Variants in ZNF76 observed in about 807,000 individuals in gnomAD.
ZNF76 encodes zinc finger protein 76.
Under a neutral mutation model 66.9 loss-of-function variants are expected in ZNF76, and 66 were observed. The ratio of observed to expected loss-of-function variants is 0.99; its 90% CI spans 0.81 to 1.21. The LOEUF is 1.21. ZNF76 is among the 50% of genes most tolerant of loss of function. The probability of loss-of-function intolerance (pLI) is 0.00; values close to 1 mark genes in which losing one functional copy is unlikely to be tolerated. For missense variants in ZNF76, 729 were observed against 760.3 expected, an observed-to-expected ratio of 0.96 and a Z score of 0.48; for synonymous variants, 275 against 296.1, an observed-to-expected ratio of 0.93 and a Z score of 0.73.
chr6:35,293,831 C>T lies in ZNF76; in HGVS notation c.1410C>T (p.Thr470=), dbSNP rs768833595. The T allele has an allele frequency of 4.4e-5, 71 of 1,614,074 alleles. No individual in the cohort carries two copies. The highest frequency in any genetic ancestry group is 3.0e-5 in the Non-Finnish European group (35 of 1,180,054). Residue 470 remains threonine, a synonymous_variant, in exon 12 of 14, where the codon ACC becomes ACT. Transcript: ENST00000373953. The part of the protein sequence containing the change: ...MVTQHGSTTL[T]IPSPDADLAT... The stretch of plus-strand genomic sequence containing the variant: ...CCCAGCACGGCAGCACCACCCTCAC[C>T]ATCCCCAGTCCTGATGCCGACCTGG...
rs1581996223 is a variant in ZNF76, at chr6:35,261,491, C to A, written c.-97+1650C>A. On this transcript the variant is annotated intron_variant, in intron 1 of 13. Coordinates refer to ENST00000373953, the MANE Select transcript of ZNF76 (RefSeq NM_003427.5). ...AAGAGTTAATTATTATTATATCCAC[C>A]ATTTTCCCTTCCCATATTTTTGTTT... 1.4e-5 allele frequency among the ~76,000 whole-genome samples: 2 copies of A among 141,774 alleles called. 1 individual carries two copies. Among genetic ancestry groups the A allele is most frequent in the East Asian group, 4.1e-4 (2 of 4,868 alleles). The allele number at this position is 141,774 out of a possible 152,430, so 93.0% of individuals were successfully genotyped here. A position where few individuals can be genotyped will look rare whatever the true frequency, so the allele number is the denominator to read the frequency against.
chr6:35,294,490 A>T lies in ZNF76; in HGVS notation c.1529A>T (p.Glu510Val). Reference sequence around the variant, plus strand: ...ATTACCTCTGGGGCTGTGGTGGCTGAGGACTCAAGTGTAGCATCTCTTCGT... The same window carrying T: ...ATTACCTCTGGGGCTGTGGTGGCTGTGGACTCAAGTGTAGCATCTCTTCGT... ...TIITSGAVVA[E>V]DSSVASLRHQ... The change falls in exon 13 of 14, where the codon GAG becomes GTG. Residue 510 changes from glutamate to valine, a missense_variant. Physicochemically the swap from Glu to Val is moderately radical, Grantham distance 121 (BLOSUM62 -2). Coordinates refer to ENST00000373953, the MANE Select transcript of ZNF76 (RefSeq NM_003427.5). The T allele has an allele frequency of 6.2e-7, 1 of 1,614,048 alleles. No individual in the cohort carries two copies. Among genetic ancestry groups the T allele is most frequent in the Non-Finnish European group, 8.5e-7 (1 of 1,179,996 alleles).
chr6:35,268,081 G>A (rs2267657), intron 1 of ZNF76, among the ~76,000 whole-genome samples: 102,872 of 152,178 alleles, frequency 0.68, 37,942 homozygotes, highest in Non-Finnish European at 0.82. Flanking sequence ...AGCTCAGTTA[G>A]CTATGTAACC....
intron 7 of ZNF76, 130 bp downstream of exon 7, chr6:35,290,846 G>C: frequency 1.2e-6 from 1 of 868,872 alleles, no homozygotes; most frequent in Non-Finnish European, 1.8e-6. Flanking sequence ...CTGACTTGCA[G>C]GGTGCTCTCT....
Position 35,291,604 on chromosome 6 carries a change from C to T in ZNF76, c.798C>T (p.Phe266=). 2 of 1,614,050 alleles carry T rather than the reference C, an allele frequency of 1.2e-6. No homozygotes were observed. Among genetic ancestry groups the T allele is most frequent in the Non-Finnish European group, 8.5e-7 (1 of 1,179,928 alleles). The stretch of plus-strand genomic sequence containing the variant: ...CTTTTGAGGGCTGTGGCCGCTCCTT[C>T]ACCACATCTAACATCCGCAAGGTAC... ...QCPFEGCGRS[F]TTSNIRKVHV... The change falls in exon 9 of 14, where the codon TTC becomes TTT. Residue 266 remains phenylalanine, a synonymous_variant. Coordinates refer to ENST00000373953, the MANE Select transcript of ZNF76 (RefSeq NM_003427.5).
At chr6:35,273,318 G>A (rs894184078) in intron 1 of ZNF76, among the ~76,000 whole-genome samples, 2 of 150,706 alleles carry the variant, frequency 1.3e-5, no homozygotes, top group Non-Finnish European at 3.0e-5. Flanking sequence ...GATTGCAGGC[G>A]TGCACCACCA....
At position 35,290,256 on chromosome 6, in the gene ZNF76, T is replaced by C; in HGVS notation, c.433-10T>C. 1 of 1,614,086 alleles carries C rather than the reference T, an allele frequency of 6.2e-7. No homozygotes were observed. The highest frequency in any genetic ancestry group is 1.1e-5 in the South Asian group (1 of 91,078). On this transcript the variant is annotated splice_polypyrimidine_tract_variant and intron_variant, in intron 5 of 13. Coordinates refer to ENST00000373953, the MANE Select transcript of ZNF76 (RefSeq NM_003427.5). ...GAATACATATAGGGATCTCAAGACT[T>C]TTCCCCCAGGTTCTTCATGACAGCC... is the stretch of plus-strand genomic sequence containing the variant.
chr6:35,280,570 T>C lies in ZNF76; in HGVS notation c.-96-486T>C, dbSNP rs1374931098. Among the ~76,000 whole-genome samples the C allele has an allele frequency of 2.5e-5, 3 of 118,194 alleles. No individual in the cohort carries two copies. The East Asian group carries it at 9.1e-4, about 36-fold the overall frequency. 77.5% of individuals were successfully genotyped at this position (118,194 alleles called of 152,430 possible). A position where few individuals can be genotyped will look rare whatever the true frequency, so the allele number is the denominator to read the frequency against. On this transcript the variant is annotated intron_variant, in intron 1 of 13. Transcript: ENST00000373953. The stretch of plus-strand genomic sequence containing the variant: ...GTGGAAGGCGATACCACCCCTGGGA[T>C]AGGGGATACTGGAAGTACAATAGTT...
intron 1 of ZNF76, among the ~76,000 whole-genome samples, chr6:35,266,999 C>T (rs1369005204): frequency 6.6e-6 from 1 of 151,874 alleles, no homozygotes; most frequent in Non-Finnish European, 1.5e-5. Flanking sequence ...CGGGGTTTCA[C>T]CGTGTTAACC....
At chr6:35,260,038 C>G (rs1178652270) in intron 1 of ZNF76, among the ~76,000 whole-genome samples, 197 bp downstream of exon 1, 1 of 151,954 alleles carries the variant, frequency 6.6e-6, no homozygotes, top group East Asian at 1.9e-4. Context: ...CGGCTCCTCC[C>G]CCGTGACTCC....
At chr6:35,286,708 A>G (rs572316528) in intron 4 of ZNF76, 1 of 455,914 alleles carries the variant, frequency 2.2e-6, no homozygotes, top group African/African-American at 1.9e-5. Context: ...ATATCATCCA[A>G]GACCAGGAAA....
chr6:35,288,493 G>T (rs1329060026), intron 5 of ZNF76, among the ~76,000 whole-genome samples: 1 of 152,194 alleles, frequency 6.6e-6, no homozygotes, highest in African/African-American at 2.4e-5. Flanking sequence ...TCCAAACCAG[G>T]GTGTTCCCTT....
At chr6:35,290,587 G>T in intron 6 of ZNF76, 54 bp from the exon 7 acceptor site, 2 of 1,601,824 alleles carry the variant, frequency 1.2e-6, no homozygotes, top group Non-Finnish European at 1.7e-6. Context: ...GAAAACCAAA[G>T]AGCCCTGGTC....
intron 1 of ZNF76, among the ~76,000 whole-genome samples, chr6:35,276,829 T>C (rs1389057192): frequency 2.0e-5 from 3 of 147,672 alleles, no homozygotes; most frequent in African/African-American, 7.5e-5. Context: ...AGAGTTTTGC[T>C]GTTGTTGCCC....
intron 9 of ZNF76, 119 bp downstream of exon 9, chr6:35,291,856 C>T: frequency 7.9e-7 from 1 of 1,261,718 alleles, no homozygotes; most frequent in Non-Finnish European, 1.1e-6. Context: ...CCAGCCATTC[C>T]AGGCTGGTCT....
At chr6:35,261,394 G>A (rs183769127) in intron 1 of ZNF76, among the ~76,000 whole-genome samples, 4 of 152,208 alleles carry the variant, frequency 2.6e-5, no homozygotes, top group African/African-American at 7.2e-5. Flanking sequence ...CCTCAATAAC[G>A]ATTGGCTTGC....
chr6:35,274,926 G>A (rs1369019930), intron 1 of ZNF76, among the ~76,000 whole-genome samples: 1 of 152,100 alleles, frequency 6.6e-6, no homozygotes, highest in Non-Finnish European at 1.5e-5. Flanking sequence ...AGGCCAAGGT[G>A]GGCGGATCAA....
intron 9 of ZNF76, 117 bp downstream of exon 9, chr6:35,291,854 T>A (rs1790441781): frequency 1.6e-6 from 2 of 1,273,076 alleles, no homozygotes; most frequent in Admixed American, 2.0e-5. Flanking sequence ...TGCCAGCCAT[T>A]CCAGGCTGGT....
chr6:35,266,297 T>C (rs1786056144), intron 1 of ZNF76, among the ~76,000 whole-genome samples: 1 of 151,930 alleles, frequency 6.6e-6, no homozygotes, highest in Non-Finnish European at 1.5e-5. Context: ...GGACTACAGG[T>C]GCATGCCAGC....
Sources: gnomAD v4.1 joint callset for allele counts (sites outside exome capture counted in the v4.1 genomes callset) on GRCh38, gnomAD v4.1.1 for gene constraint, MANE v1.5 for transcripts, NCBI Gene and HGNC (gene_info 2026-07-23, HGNC 2026-07-21) for gene names.